The following ZNF469 variants were observed in gnomAD, a reference collection of about 807,000 sequenced individuals.
ZNF469 encodes zinc finger protein 469.
ZNF469 carries 1 observed loss-of-function variant against 1.0 expected under a neutral mutation model. That is an observed-to-expected ratio of 1.00 (90% CI 0.35 to 4.73). ZNF469 has a LOEUF of 4.73. Among genes scored for constraint, ZNF469 ranks in the 30% most tolerant of loss-of-function variants. ZNF469 has a pLI of 0.16. For synonymous variants in ZNF469, 2,703 were observed against 2,363.4 expected (o/e 1.14, Z -4.17); for missense variants, 6,100 against 5,356.3 (o/e 1.14, Z -4.33).
At chr16:88,199,728 G>C in the ZNF469 span, among the ~76,000 whole-genome samples, 1 of 152,210 alleles carries the variant, frequency 6.6e-6, no homozygotes, top group Admixed American at 6.5e-5. Flanking sequence ...GACAGTGCTG[G>C]CCATAGGGCT....
In ZNF469 at chr16:88,437,461, G is replaced by A; in HGVS notation, c.9991G>A (p.Ala3331Thr). 6.5e-7 allele frequency: 1 copy of A among 1,532,376 alleles called. No homozygotes were observed. Among genetic ancestry groups the A allele is most frequent in the Non-Finnish European group, 8.8e-7 (1 of 1,136,002 alleles). 94.9% of individuals were successfully genotyped at this position (1,532,376 alleles called of 1,614,324 possible). ...PLLQATPVHE[A>T]CKDPSRDCHH... ...CCTGCAAGCCACCCCGGTGCACGAG[G>A]CCTGCAAGGACCCCTCCCGCGACTG... The change falls in exon 3 of 3, where the codon GCC becomes ACC. Residue 3331 changes from alanine (A) to threonine (T), a missense_variant. Coordinates refer to ENST00000565624, the MANE Select transcript of ZNF469 (RefSeq NM_001367624.2).
chr16:88,319,011 G>T, the ZNF469 span, among the ~76,000 whole-genome samples: 54 of 152,254 alleles, frequency 3.5e-4, no homozygotes, highest in African/African-American at 1.2e-3. Context: ...GGCACCCCAG[G>T]GCTTTCCTAG....
chr16:88,332,501 A>G, the ZNF469 span, among the ~76,000 whole-genome samples: 2 of 152,256 alleles, frequency 1.3e-5, no homozygotes, highest in African/African-American at 4.8e-5. Context: ...AGGTCCTTGC[A>G]GCATCACTGG....
chr16:88,187,035 G>A, the ZNF469 span, among the ~76,000 whole-genome samples: 4 of 152,188 alleles, frequency 2.6e-5, no homozygotes, highest in Non-Finnish European at 5.9e-5. Context: ...CAGGTGGGGC[G>A]GCTGGGAGGC....
intron 1 of ZNF469, among the ~76,000 whole-genome samples, chr16:88,418,546 GC>G (rs919336529): frequency 5.2e-4 from 65 of 124,146 alleles, no homozygotes; most frequent in African/African-American, 1.7e-3. Flanking sequence ...AATCCCCACC[GC>G]CCCCCCGGCC....
chr16:88,406,687 A>G (rs969306938), intron 1 of ZNF469, among the ~76,000 whole-genome samples: 5 of 151,984 alleles, frequency 3.3e-5, no homozygotes, highest in Middle Eastern at 3.2e-3. Flanking sequence ...CCCTGTGTGC[A>G]TGTCTGCGGC....
chr16:88,283,880 G>T, the ZNF469 span, among the ~76,000 whole-genome samples: 2 of 134,180 alleles, frequency 1.5e-5, no homozygotes, highest in South Asian at 5.0e-4. Context: ...AGTGTGTCCG[G>T]AGTGCCTGAG....
chr16:88,436,394 C>T lies in ZNF469; in HGVS notation c.8924C>T (p.Pro2975Leu), dbSNP rs1906575207. ...PSREAGAEKL[P>L]SHCPEDDRPE... ...AGGGAAGCTGGTGCAGAGAAGCTGCCCTCCCACTGCCCCGAGGACGATCGG... is the reference window on the plus strand; with the variant it reads ...AGGGAAGCTGGTGCAGAGAAGCTGCTCTCCCACTGCCCCGAGGACGATCGG... The change falls in exon 3 of 3, where the codon CCC (proline) becomes CTC (leucine). Residue 2975 changes from proline to leucine, a missense_variant. Coordinates refer to ENST00000565624, the MANE Select transcript of ZNF469 (RefSeq NM_001367624.2). The T allele has an allele frequency of 6.5e-7, 1 of 1,549,784 alleles. No homozygotes were observed.
the ZNF469 span, among the ~76,000 whole-genome samples, chr16:88,340,445 T>G: frequency 1.3e-5 from 2 of 152,102 alleles, no homozygotes; most frequent in African/African-American, 4.8e-5. Flanking sequence ...CATCACAGAC[T>G]AGGTATAAAG....
At chr16:88,277,349 A>G in the ZNF469 span, among the ~76,000 whole-genome samples, 60,624 of 135,674 alleles carry the variant, frequency 0.45, 13,811 homozygotes, top group African/African-American at 0.62. Context: ...GCTGACGCTC[A>G]GTCAGTACCG....
At chr16:88,334,361 T>A in the ZNF469 span, among the ~76,000 whole-genome samples, 1 of 152,182 alleles carries the variant, frequency 6.6e-6, no homozygotes, top group African/African-American at 2.4e-5. Flanking sequence ...GTGTTTTGGT[T>A]TTGATTTTTG....
the ZNF469 span, among the ~76,000 whole-genome samples, chr16:88,238,717 C>T: frequency 5.3e-5 from 8 of 152,228 alleles, no homozygotes; most frequent in African/African-American, 1.9e-4. Flanking sequence ...ATGGAGATCC[C>T]AGCCTTCTCT....
At chr16:88,406,118 G>A (rs908273552) in intron 1 of ZNF469, among the ~76,000 whole-genome samples, 8 of 152,228 alleles carry the variant, frequency 5.3e-5, no homozygotes, top group African/African-American at 1.4e-4. Flanking sequence ...ACGAGCCACC[G>A]TGTCCAGCCA....
At chr16:88,141,252 G>A in the ZNF469 span, among the ~76,000 whole-genome samples, 3 of 152,360 alleles carry the variant, frequency 2.0e-5, no homozygotes, top group Middle Eastern at 3.4e-3. Context: ...CAAGATGGAC[G>A]TCTTCAGTTA....
chr16:88,180,634 C>T, the ZNF469 span, among the ~76,000 whole-genome samples: 2 of 151,990 alleles, frequency 1.3e-5, no homozygotes, highest in Non-Finnish European at 2.9e-5. Flanking sequence ...ATTAGCCGGG[C>T]GTGGTAGTGG....
the ZNF469 span, among the ~76,000 whole-genome samples, chr16:88,289,442 TATG>T: frequency 0.42 from 63,051 of 151,500 alleles, 13,905 homozygotes; most frequent in African/African-American, 0.58. Context: ...GTGATGATGA[TATG>T]ATGATGATGA....
At chr16:88,206,453 C>A in the ZNF469 span, among the ~76,000 whole-genome samples, 1 of 152,162 alleles carries the variant, frequency 6.6e-6, no homozygotes, top group African/African-American at 2.4e-5. Context: ...CCTTTCATAA[C>A]CGCAGCTCAG....
chr16:88,111,519 A>AC, the ZNF469 span, among the ~76,000 whole-genome samples: 140,793 of 152,190 alleles, frequency 0.93, 65,461 homozygotes, highest in Non-Finnish European at 0.98. Context: ...GTACCCATTA[A>AC]CATCCCCCCC....
At chr16:88,398,230 T>C (rs7190285) in intron 1 of ZNF469, among the ~76,000 whole-genome samples, 3,036 of 150,290 alleles carry the variant, frequency 0.02, 91 homozygotes, top group African/African-American at 0.071. Context: ...CTACTGGTCC[T>C]GTGTTCAGGC....
Sources: allele counts gnomAD v4.1 joint callset (sites outside exome capture counted in the v4.1 genomes callset), GRCh38; gene constraint gnomAD v4.1.1; transcripts MANE v1.5; gene names NCBI Gene and HGNC (gene_info 2026-07-23, HGNC 2026-07-21).